LRMDA: variants seen among roughly 807,000 people sequenced by gnomAD.
LRMDA encodes the protein leucine-rich melanocyte differentiation-associated protein.
Under a neutral mutation model 29.8 loss-of-function variants are expected in LRMDA, and 18 were observed. That is an observed-to-expected ratio of 0.60 (90% CI 0.42 to 0.90). The LOEUF (loss-of-function observed/expected upper bound fraction) is 0.90. Among genes scored for constraint, LRMDA ranks in the 40% least tolerant of loss-of-function variants. The pLI, the probability that LRMDA is intolerant of heterozygous loss-of-function variation, is 0.00. For synonymous variants in LRMDA, 125 were observed against 109.4 expected (o/e 1.14, Z -0.89); for missense variants, 273 against 273.9 (o/e 1.00, Z 0.02).
chr10:76,269,197 G>T (rs558344862), intron 5 of LRMDA, among the ~76,000 whole-genome samples: 2 of 152,252 alleles, frequency 1.3e-5, no homozygotes, highest in East Asian at 3.9e-4. Context: ...GTGATGTGCT[G>T]CAGGTTATTA....
intron 2 of LRMDA, among the ~76,000 whole-genome samples, chr10:75,944,209 T>C (rs1324897650): frequency 6.6e-6 from 1 of 152,230 alleles, no homozygotes; most frequent in East Asian, 1.9e-4. Context: ...TTTGTTGTTT[T>C]AGCAGTTTAC....
chr10:76,236,121 G>C lies in LRMDA; in HGVS notation c.517-88280G>C, dbSNP rs528048964. 9.2e-5 allele frequency among the ~76,000 whole-genome samples: 14 copies of C among 152,254 alleles called. No individual in the cohort carries two copies. In the East Asian group the frequency reaches 2.7e-3, roughly 29 times the overall value. On this transcript the variant is annotated intron_variant, in intron 5 of 6. Transcript: ENST00000611255. ...TTGTTCAAGGTCACATAGCAAGGGA[G>C]GGGCAGAGGCAGGTTAGAACCCAGA...
intron 2 of LRMDA, among the ~76,000 whole-genome samples, chr10:75,692,457 G>A (rs143516893): frequency 4.1e-4 from 62 of 149,694 alleles, no homozygotes; most frequent in African/African-American, 1.5e-3. Context: ...GTATATACAA[G>A]TGTATACACA....
Position 75,774,362 on chromosome 10 carries a change from T to A in LRMDA, c.132-261646T>A, listed in dbSNP as rs556429818. On this transcript the variant is annotated intron_variant, in intron 2 of 6. Transcript: ENST00000611255. The stretch of plus-strand genomic sequence containing the variant: ...CTTGTTAGTATTTCTTCTTTGTGTG[T>A]ATAATGTTTCAAGAACTGTTGATGG... Among the ~76,000 whole-genome samples the A allele has an allele frequency of 2.0e-5, 3 of 152,342 alleles. No individual in the cohort carries two copies. In the East Asian group the frequency reaches 5.8e-4, roughly 29 times the overall value.
intron 2 of LRMDA, among the ~76,000 whole-genome samples, chr10:75,924,203 T>G (rs1846077033): frequency 6.6e-6 from 1 of 152,210 alleles, no homozygotes; most frequent in Non-Finnish European, 1.5e-5. Context: ...TTGTAACCTG[T>G]TTTTAAAGCC....
At chr10:76,162,842 C>T (rs1850672596) in intron 5 of LRMDA, among the ~76,000 whole-genome samples, 1 of 151,930 alleles carries the variant, frequency 6.6e-6, no homozygotes, top group Non-Finnish European at 1.5e-5. Flanking sequence ...TCACTACCTA[C>T]CTTGTTGTGT....
chr10:75,821,494 G>A (rs561034598), intron 2 of LRMDA, among the ~76,000 whole-genome samples: 1 of 152,316 alleles, frequency 6.6e-6, no homozygotes, highest in East Asian at 1.9e-4. Flanking sequence ...TACTGGCTGG[G>A]CGTGGTGGCT....
chr10:75,829,929 C>T (rs1325318939), intron 2 of LRMDA, among the ~76,000 whole-genome samples: 1 of 139,730 alleles, frequency 7.2e-6, no homozygotes, highest in South Asian at 2.3e-4. Flanking sequence ...TGTTTTTCTG[C>T]TATTCACTTT....
At chr10:76,021,104 G>A (rs1296403897) in intron 2 of LRMDA, among the ~76,000 whole-genome samples, 1 of 152,244 alleles carries the variant, frequency 6.6e-6, no homozygotes, top group Non-Finnish European at 1.5e-5. Flanking sequence ...AAGGAGACAA[G>A]AGTAAGATAC....
chr10:76,462,090 C>CAT (rs1244376498), intron 6 of LRMDA, among the ~76,000 whole-genome samples: 1 of 146,466 alleles, frequency 6.8e-6, no homozygotes, highest in Non-Finnish European at 1.5e-5. Context: ...CACACACACA[C>CAT]ACAAAAACAA....
intron 2 of LRMDA, among the ~76,000 whole-genome samples, chr10:75,777,706 A>G (rs1352503758): frequency 6.6e-6 from 1 of 152,136 alleles, no homozygotes; most frequent in Non-Finnish European, 1.5e-5. Context: ...TGGTCTTGCC[A>G]CTCACTAGTT....
intron 5 of LRMDA, among the ~76,000 whole-genome samples, chr10:76,145,445 C>G (rs1850295993): frequency 6.6e-6 from 1 of 152,048 alleles, no homozygotes; most frequent in African/African-American, 2.4e-5. Context: ...AGGAATTTAT[C>G]TATTTCTTCT....
chr10:76,518,636 T>A (rs1017930878), intron 6 of LRMDA, among the ~76,000 whole-genome samples: 1 of 152,252 alleles, frequency 6.6e-6, no homozygotes, highest in African/African-American at 2.4e-5. Context: ...TTTTGAGATG[T>A]TAAATATGAA....
intron 2 of LRMDA, among the ~76,000 whole-genome samples, chr10:75,458,338 T>G (rs1325554156): frequency 3.9e-5 from 6 of 152,158 alleles, no homozygotes; most frequent in Admixed American, 2.6e-4. Context: ...TAGGGCTCTG[T>G]GGGGGGTCTA....
At chr10:76,483,516 A>T (rs1479730123) in intron 6 of LRMDA, among the ~76,000 whole-genome samples, 1 of 151,890 alleles carries the variant, frequency 6.6e-6, no homozygotes, top group Non-Finnish European at 1.5e-5. Flanking sequence ...GGATTGCCTA[A>T]TCTGAATGAT....
At chr10:76,321,909 T>A (rs1223696609) in intron 5 of LRMDA, among the ~76,000 whole-genome samples, 2 of 152,018 alleles carry the variant, frequency 1.3e-5, no homozygotes, top group Non-Finnish European at 2.9e-5. Context: ...CGTGCCACTG[T>A]ATTCCAGCCT....
chr10:76,511,841 C>CT (rs139260230), intron 6 of LRMDA, among the ~76,000 whole-genome samples: 56,217 of 143,994 alleles, frequency 0.39, 11,223 homozygotes, highest in Middle Eastern at 0.54. Context: ...TCTCAGCTGG[C>CT]TTTTTTTTTT....
At chr10:76,185,927 T>TAGCAACC (rs1851140725) in intron 5 of LRMDA, among the ~76,000 whole-genome samples, 1 of 152,226 alleles carries the variant, frequency 6.6e-6, no homozygotes, top group African/African-American at 2.4e-5. Flanking sequence ...AAAGTGGGCC[T>TAGCAACC]TACTGTCAAC....
At chr10:75,538,975 A>G (rs1839984403) in intron 2 of LRMDA, among the ~76,000 whole-genome samples, 2 of 152,216 alleles carry the variant, frequency 1.3e-5, no homozygotes, top group Admixed American at 6.5e-5. Flanking sequence ...TGCCATCCCT[A>G]TATTAGTGTT....
Sources: allele counts gnomAD v4.1 joint callset (sites outside exome capture counted in the v4.1 genomes callset), GRCh38; gene constraint gnomAD v4.1.1; transcripts MANE v1.5; gene names NCBI Gene and HGNC (gene_info 2026-07-23, HGNC 2026-07-21).